Variants in PPM1H observed in about 807,000 individuals in gnomAD.
The protein encoded by PPM1H is protein phosphatase 1H.
A neutral mutation model predicts 54.9 loss-of-function variants in PPM1H; 27 were observed. That is an observed-to-expected ratio of 0.49 (90% CI 0.36 to 0.68). The LOEUF is 0.68. Ranked by LOEUF, PPM1H falls within the 30% of genes least tolerant of loss-of-function variation. PPM1H has a pLI of 0.00. For synonymous variants in PPM1H, 305 were observed against 270.8 expected (o/e 1.13, Z -1.24); for missense variants, 596 against 667.8 (o/e 0.89, Z 1.19).
At chr12:62,817,150 ACTAAAAAAAAG>A (rs2076873425) in intron 2 of PPM1H, among the ~76,000 whole-genome samples, 39 of 115,284 alleles carry the variant, frequency 3.4e-4, no homozygotes, top group East Asian at 7.4e-4. Flanking sequence ...AAAAAAAAAA[ACTAAAAAAAAG>A]AAAAAAAAAA....
At chr12:62,815,448 C>T (rs1047313040) in intron 2 of PPM1H, among the ~76,000 whole-genome samples, 3 of 152,136 alleles carry the variant, frequency 2.0e-5, no homozygotes, top group African/African-American at 4.8e-5. Context: ...AAGTTTATAA[C>T]GGTTTTTGCT....
chr12:62,778,489 G>A (rs1356216164), intron 4 of PPM1H, among the ~76,000 whole-genome samples: 2 of 152,140 alleles, frequency 1.3e-5, no homozygotes, highest in African/African-American at 4.8e-5. Flanking sequence ...TCACTGGATG[G>A]AGATGCCTCA....
rs1021284898 is a variant in PPM1H, at chr12:62,704,049, G to C, written c.1074-10050C>G. Among the ~76,000 whole-genome samples the C allele has an allele frequency of 6.6e-5, 10 of 150,820 alleles. No homozygotes were observed. In the East Asian group the frequency reaches 1.8e-3, roughly 27 times the overall value. On this transcript the variant is annotated intron_variant, in intron 6 of 9. Transcript: ENST00000228705. ...GCAACACAAGAAGAGTCTGATGTTTGGTTAGATCTTACTATTATATTTTAA... is the reference window on the plus strand; with the variant it reads ...GCAACACAAGAAGAGTCTGATGTTTCGTTAGATCTTACTATTATATTTTAA...
In PPM1H at chr12:62,801,447, A is replaced by T. The variant is rs544368884; in HGVS notation, c.756+369T>A. Reference sequence around the variant, plus strand: ...ATTCTCCCACCTCAGCCTCCCGAGTAGCTGGGATTACAGGCAACGGCCATC... The same window carrying T: ...ATTCTCCCACCTCAGCCTCCCGAGTTGCTGGGATTACAGGCAACGGCCATC... On this transcript the variant is annotated intron_variant, in intron 3 of 9. Transcript: ENST00000228705. 5.9e-5 allele frequency among the ~76,000 whole-genome samples: 9 copies of T among 152,206 alleles called. 1 individual carries two copies. In the South Asian group the frequency reaches 1.9e-3, roughly 32 times the overall value.
chr12:62,756,348 GTT>G, intron 4 of PPM1H: 1 of 467,952 alleles, frequency 2.1e-6, no homozygotes, highest in Non-Finnish European at 4.0e-6. Flanking sequence ...CCTTTCTCAA[GTT>G]TCCATGTAGA....
intron 4 of PPM1H, among the ~76,000 whole-genome samples, chr12:62,762,705 A>G (rs1385724664): frequency 6.6e-6 from 1 of 152,138 alleles, no homozygotes; most frequent in Non-Finnish European, 1.5e-5. Context: ...TCCCCATAAT[A>G]AAACCTTGTG....
chr12:62,722,199 C>A (rs184975688), intron 5 of PPM1H, among the ~76,000 whole-genome samples: 3 of 152,118 alleles, frequency 2.0e-5, no homozygotes, highest in Non-Finnish European at 4.4e-5. Flanking sequence ...AAGTGGTCAA[C>A]GGACAGCACC....
At chr12:62,820,070 C>T (rs113415206) in intron 2 of PPM1H, among the ~76,000 whole-genome samples, 31 of 152,358 alleles carry the variant, frequency 2.0e-4, no homozygotes, top group African/African-American at 7.5e-4. Context: ...CACTCCCGCC[C>T]AAATACTGCG....
intron 4 of PPM1H, among the ~76,000 whole-genome samples, chr12:62,783,729 GCTATTA>G (rs1213104270): frequency 6.6e-6 from 1 of 152,206 alleles, no homozygotes; most frequent in African/African-American, 2.4e-5. Flanking sequence ...TTTTAATGCC[GCTATTA>G]CTATAAGTCT....
intron 2 of PPM1H, among the ~76,000 whole-genome samples, chr12:62,807,730 C>T (rs578023523): frequency 3.4e-4 from 52 of 152,330 alleles, no homozygotes; most frequent in Admixed American, 3.9e-4. Flanking sequence ...CGGGGAAATA[C>T]AACCACATTG....
intron 3 of PPM1H, among the ~76,000 whole-genome samples, chr12:62,790,221 T>C (rs963756254): frequency 7.9e-5 from 12 of 152,040 alleles, no homozygotes; most frequent in African/African-American, 2.9e-4. Context: ...ATAAAAAGGG[T>C]AAATCACCAA....
At chr12:62,744,670 C>T (rs566755896) in intron 4 of PPM1H, among the ~76,000 whole-genome samples, 7 of 152,284 alleles carry the variant, frequency 4.6e-5, no homozygotes, top group African/African-American at 1.7e-4. Flanking sequence ...TCAGGCCTGA[C>T]CACAGGCCAT....
chr12:62,876,605 G>A (rs1015719744), intron 1 of PPM1H, among the ~76,000 whole-genome samples: 1 of 152,234 alleles, frequency 6.6e-6, no homozygotes, highest in Non-Finnish European at 1.5e-5. Flanking sequence ...TATGCAGTCA[G>A]ATGGGAGAGG....
chr12:62,768,121 T>C (rs115392233), intron 4 of PPM1H, among the ~76,000 whole-genome samples: 1,758 of 152,284 alleles, frequency 0.012, 31 homozygotes, highest in African/African-American at 0.04. Context: ...TCGTGGGTCA[T>C]ACATCACTCG....
At chr12:62,796,213 T>A (rs949346253) in intron 3 of PPM1H, among the ~76,000 whole-genome samples, 1 of 152,134 alleles carries the variant, frequency 6.6e-6, no homozygotes, top group Non-Finnish European at 1.5e-5. Flanking sequence ...GTGTGAGAGT[T>A]TTCCCCCACA....
chr12:62,788,868 G>A (rs1042728675), intron 3 of PPM1H, among the ~76,000 whole-genome samples: 1 of 151,922 alleles, frequency 6.6e-6, no homozygotes, highest in Non-Finnish European at 1.5e-5. Flanking sequence ...TGGGACCACA[G>A]GTGCGCACCA....
chr12:62,806,125 A>T (rs2076803850), intron 2 of PPM1H, among the ~76,000 whole-genome samples: 1 of 152,178 alleles, frequency 6.6e-6, no homozygotes, highest in Non-Finnish European at 1.5e-5. Context: ...TGGATATAAC[A>T]TCTACTTCTG....
chr12:62,871,808 G>A (rs1592646745), intron 1 of PPM1H, among the ~76,000 whole-genome samples: 1 of 152,080 alleles, frequency 6.6e-6, no homozygotes, highest in African/African-American at 2.4e-5. Flanking sequence ...GAGCCACCAT[G>A]CCTGGCCAAA....
Position 62,759,581 on chromosome 12 carries a change from C to T in PPM1H, c.870-21995G>A, listed in dbSNP as rs148553297. 6.4e-3 allele frequency among the ~76,000 whole-genome samples: 973 copies of T among 152,326 alleles called. 11 individuals carry two copies. Among genetic ancestry groups the T allele is most frequent in the African/African-American group, 0.023 (942 of 41,566 alleles). ...TTGGTGATTAATCATTGCGGGGACG[C>T]CTGCCTGATTATTCACCCACGTTTC... On this transcript the variant is annotated intron_variant, in intron 4 of 9. Transcript: ENST00000228705.
Sources: gnomAD v4.1 joint callset for allele counts (sites outside exome capture counted in the v4.1 genomes callset) on GRCh38, gnomAD v4.1.1 for gene constraint, MANE v1.5 for transcripts, NCBI Gene and HGNC (gene_info 2026-07-23, HGNC 2026-07-21) for gene names.